CMTM4: variants seen among roughly 807,000 people sequenced by gnomAD.
CMTM4 encodes the protein CKLF-like MARVEL transmembrane domain-containing protein 4.
Under a neutral mutation model 19.0 loss-of-function variants are expected in CMTM4, and 8 were observed. The observed-to-expected ratio is 0.42, with a 90% CI of 0.25 to 0.76. The LOEUF is 0.76. Ranked by LOEUF, CMTM4 falls within the 30% of genes least tolerant of loss-of-function variation. The probability of loss-of-function intolerance (pLI) is 0.27; values close to 1 mark genes in which losing one functional copy is unlikely to be tolerated. For synonymous variants in CMTM4, 106 were observed against 121.1 expected, an observed-to-expected ratio of 0.88 and a Z score of 0.82; for missense variants, 228 against 290.2, an observed-to-expected ratio of 0.79 and a Z score of 1.56.
downstream of CMTM4, among the ~76,000 whole-genome samples, chr16:66,612,206 G>A (rs2015402219): frequency 6.6e-6 from 1 of 152,168 alleles, no homozygotes. The surrounding 1 kb of genome is among the most constrained non-coding windows in gnomAD (Gnocchi z 6.0). Flanking sequence ...CCTGAGGTCA[G>A]GAGTTCAAGA....
intron 2 of CMTM4, among the ~76,000 whole-genome samples, chr16:66,625,802 T>C (rs2015726898): frequency 6.6e-6 from 1 of 152,218 alleles, no homozygotes; most frequent in Admixed American, 6.5e-5. Context: ...AGGACTGTGC[T>C]GTCCAATAGG....
At chr16:66,604,111 G>C in the CMTM4 span, 1 of 151,908 alleles carries the variant, frequency 6.6e-6, no homozygotes, top group African/African-American at 2.5e-5. Context: ...GCAGATGTGC[G>C]TGCCTGTGTG....
chr16:66,616,518 A>G lies in CMTM4; in HGVS notation c.*5540T>C, dbSNP rs991913552. On this transcript the variant is annotated 3_prime_UTR_variant, in exon 4 of 4. Coordinates refer to ENST00000394106, the MANE Select transcript of CMTM4 (RefSeq NM_181521.3). ...TGGGTTACAGAGTGAAAGAGTTGGGAACAGGCAGCCCCCTTTGGGCCTGGG... is the reference window on the plus strand; with the variant it reads ...TGGGTTACAGAGTGAAAGAGTTGGGGACAGGCAGCCCCCTTTGGGCCTGGG... 6.6e-6 allele frequency: 1 copy of G among 152,232 alleles called. No homozygotes were observed. The highest frequency in any genetic ancestry group is 1.5e-5 in the Non-Finnish European group (1 of 68,040). 9.4% of individuals were successfully genotyped at this position (152,232 alleles called of 1,614,324 possible).
chr16:66,631,693 G>A (rs147429128), intron 2 of CMTM4, among the ~76,000 whole-genome samples: 5,960 of 152,068 alleles, frequency 0.039, 368 homozygotes, highest in African/African-American at 0.13. Flanking sequence ...GATTAAGGGC[G>A]GTGCAAGATG....
At chr16:66,602,573 C>A in the CMTM4 span, among the ~76,000 whole-genome samples, 1 of 152,056 alleles carries the variant, frequency 6.6e-6, no homozygotes, top group Non-Finnish European at 1.5e-5. Flanking sequence ...TCTCACTCTG[C>A]CGCCCAGGCT....
At chr16:66,626,593 G>A (rs1244916154) in intron 2 of CMTM4, among the ~76,000 whole-genome samples, 5 of 151,882 alleles carry the variant, frequency 3.3e-5, no homozygotes, top group South Asian at 2.1e-4. Context: ...GCGACAGAGT[G>A]AGACTCCCTC....
intron 1 of CMTM4, among the ~76,000 whole-genome samples, chr16:66,673,798 C>T (rs1331688587): frequency 1.3e-5 from 2 of 152,214 alleles, no homozygotes; most frequent in Non-Finnish European, 2.9e-5. Context: ...ATTGAGAACA[C>T]CACCTTCCTT....
Position 66,620,573 on chromosome 16 carries a change from C to G in CMTM4, c.*1485G>C, listed in dbSNP as rs531716021. 1.9e-5 allele frequency: 19 copies of G among 985,548 alleles called. No homozygotes were observed. The highest frequency in any genetic ancestry group is 2.2e-5 in the Non-Finnish European group (18 of 829,990). The allele number at this position is 985,548 out of a possible 1,614,324, so 61.1% of individuals were successfully genotyped here. ...GTCCATAAGGTGACGCTTTCTTGCA[C>G]AGACCCCCCGCCGCCCCCTCGGAGT... On this transcript the variant is annotated 3_prime_UTR_variant, in exon 4 of 4. Coordinates refer to ENST00000394106, the MANE Select transcript of CMTM4 (RefSeq NM_181521.3).
At chr16:66,688,863 T>C (rs1489600305) in intron 1 of CMTM4, among the ~76,000 whole-genome samples, 2 of 152,250 alleles carry the variant, frequency 1.3e-5, no homozygotes. Context: ...ATACATGTTT[T>C]GTGAGATTTA....
At chr16:66,640,849 A>G (rs1327968092) in intron 1 of CMTM4, among the ~76,000 whole-genome samples, 1 of 152,142 alleles carries the variant, frequency 6.6e-6, no homozygotes, top group Admixed American at 6.5e-5. Context: ...GGAGAGGTAT[A>G]GGTGCCAAGA....
At chr16:66,687,757 G>C (rs1472742916) in intron 1 of CMTM4, among the ~76,000 whole-genome samples, 1 of 137,358 alleles carries the variant, frequency 7.3e-6, no homozygotes, top group Non-Finnish European at 1.5e-5. Context: ...GCGCAATCTT[G>C]GCTCACTGCA....
intron 1 of CMTM4, among the ~76,000 whole-genome samples, chr16:66,654,623 AGTT>A (rs1165460095): frequency 6.6e-6 from 1 of 152,224 alleles, no homozygotes; most frequent in Non-Finnish European, 1.5e-5. Context: ...GTCGCACAGT[AGTT>A]AAGGAGTGGG....
chr16:66,671,498 CA>C (rs1342554723), intron 1 of CMTM4, among the ~76,000 whole-genome samples: 1 of 152,232 alleles, frequency 6.6e-6, no homozygotes, highest in African/African-American at 2.4e-5. Flanking sequence ...AGGAAAACAT[CA>C]GCGGGCTCAC....
rs71378405 is a variant in CMTM4, at chr16:66,683,194, C to CATATATATATATATATATACAT, written c.186+13145_186+13146insATGTATATATATATATATATAT. ...ATATATACATATGTATATATATATA[C>CATATATATATATATATATACAT]ATATATATATATATATAAATTTTCC... On this transcript the variant is annotated intron_variant, in intron 1 of 3. Coordinates refer to ENST00000394106, the MANE Select transcript of CMTM4 (RefSeq NM_181521.3). 2.3e-3 allele frequency among the ~76,000 whole-genome samples: 243 copies of CATATATATATATATATATACAT among 107,664 alleles called. 6 individuals carry two copies. The highest frequency in any genetic ancestry group is 4.7e-3 in the Middle Eastern group (1 of 212). The allele number at this position is 107,664 out of a possible 152,430, so 70.6% of individuals were successfully genotyped here.
At chr16:66,633,438 G>A (rs2015922537) in intron 2 of CMTM4, among the ~76,000 whole-genome samples, 1 of 152,026 alleles carries the variant, frequency 6.6e-6, no homozygotes, top group Non-Finnish European at 1.5e-5. Context: ...CAACCCTTCT[G>A]TAGCGAGTTG....
chr16:66,627,987 A>T (rs1454417016), intron 2 of CMTM4, among the ~76,000 whole-genome samples: 1 of 152,232 alleles, frequency 6.6e-6, no homozygotes, highest in East Asian at 1.9e-4. Flanking sequence ...AGCAAAAAAA[A>T]CATGTGAGCA....
chr16:66,609,973 G>A (rs1395116276), downstream of CMTM4: 1 of 1,614,190 alleles, frequency 6.2e-7, no homozygotes, highest in Non-Finnish European at 8.5e-7. The surrounding 1 kb of genome is among the most constrained non-coding windows in gnomAD (Gnocchi z 4.4). Flanking sequence ...AGGGGACTCT[G>A]CAGATGAGAC....
downstream of CMTM4, among the ~76,000 whole-genome samples, chr16:66,614,304 G>T (rs759341790): frequency 1.3e-5 from 2 of 152,226 alleles, no homozygotes; most frequent in Non-Finnish European, 2.9e-5. The surrounding 1 kb of genome is among the most constrained non-coding windows in gnomAD (Gnocchi z 4.9). Context: ...CTGAGACAGA[G>T]GTCGGGTAAC....
intron 2 of CMTM4, among the ~76,000 whole-genome samples, chr16:66,628,132 T>A (rs1228669385): frequency 6.6e-6 from 1 of 152,236 alleles, no homozygotes; most frequent in African/African-American, 2.4e-5. Flanking sequence ...TGCCAACATG[T>A]CTCGCCTCCC....
Sources: gnomAD v4.1 joint callset for allele counts (sites outside exome capture counted in the v4.1 genomes callset) on GRCh38, gnomAD v4.1.1 for gene constraint, Gnocchi (gnomAD v3.1) non-coding constraint, MANE v1.5 for transcripts, NCBI Gene and HGNC (gene_info 2026-07-23, HGNC 2026-07-21) for gene names.